Variants in ZCCHC7 observed in about 807,000 individuals in gnomAD.
ZCCHC7 encodes the protein zinc finger CCHC-type containing 7.
ZCCHC7 carries 35 observed loss-of-function variants against 52.0 expected under a neutral mutation model. The ratio of observed to expected loss-of-function variants is 0.67; its 90% CI spans 0.51 to 0.89. ZCCHC7 has a LOEUF of 0.89. Ranked by LOEUF, ZCCHC7 falls within the 40% of genes least tolerant of loss-of-function variation. ZCCHC7 has a pLI of 0.00. For missense variants in ZCCHC7, 574 were observed against 649.1 expected (o/e 0.88, Z 1.26); for synonymous variants, 217 against 221.5 (o/e 0.98, Z 0.18).
intron 2 of ZCCHC7, among the ~76,000 whole-genome samples, chr9:37,264,599 A>T (rs1827015796): frequency 6.6e-6 from 1 of 152,156 alleles, no homozygotes; most frequent in African/African-American, 2.4e-5. Context: ...TCCTAACTTA[A>T]CTTCAGATTG....
intron 2 of ZCCHC7, among the ~76,000 whole-genome samples, chr9:37,148,386 A>G (rs1176045505): frequency 1.3e-5 from 2 of 152,092 alleles, no homozygotes; most frequent in African/African-American, 4.8e-5. Flanking sequence ...CATGAGGGGT[A>G]GAGGTGTGTG....
chr9:37,309,528 A>G (rs937870271), intron 5 of ZCCHC7, among the ~76,000 whole-genome samples: 1 of 152,208 alleles, frequency 6.6e-6, no homozygotes, highest in Non-Finnish European at 1.5e-5. Context: ...CCCTCTAGCA[A>G]TACTATCCTC....
chr9:37,231,986 G>A (rs1469711283), intron 2 of ZCCHC7, among the ~76,000 whole-genome samples: 2 of 152,038 alleles, frequency 1.3e-5, no homozygotes, highest in East Asian at 1.9e-4. Flanking sequence ...TTTGTTGCTG[G>A]TTGTCACATT....
At chr9:37,146,531 G>A (rs944671883) in intron 2 of ZCCHC7, among the ~76,000 whole-genome samples, 1 of 151,822 alleles carries the variant, frequency 6.6e-6, no homozygotes, top group Admixed American at 6.6e-5. Flanking sequence ...TCCCACCCTC[G>A]TTTTAAAAAC....
intron 5 of ZCCHC7, among the ~76,000 whole-genome samples, chr9:37,324,739 G>A (rs1368804566): frequency 2.0e-5 from 3 of 152,160 alleles, no homozygotes; most frequent in African/African-American, 7.2e-5. Flanking sequence ...TCCCAGCAGG[G>A]CTGCGTTCAA....
At chr9:37,174,289 C>G (rs1564158069) in intron 2 of ZCCHC7, among the ~76,000 whole-genome samples, 1 of 152,034 alleles carries the variant, frequency 6.6e-6, no homozygotes, top group East Asian at 1.9e-4. Context: ...AGCCTCTAGT[C>G]TGGGTGACAG....
chr9:37,201,589 G>T (rs1191303133), intron 2 of ZCCHC7, among the ~76,000 whole-genome samples: 1 of 152,188 alleles, frequency 6.6e-6, no homozygotes, highest in Non-Finnish European at 1.5e-5. Flanking sequence ...AAATCTGAAT[G>T]GGAAGCAAAA....
intron 2 of ZCCHC7, among the ~76,000 whole-genome samples, chr9:37,230,850 A>C (rs563577993): frequency 9.9e-5 from 15 of 152,248 alleles, no homozygotes; most frequent in African/African-American, 3.6e-4. Context: ...ATGTGGTGGA[A>C]TAAGTTCTCT....
chr9:37,234,559 A>G (rs1009283808), intron 2 of ZCCHC7, among the ~76,000 whole-genome samples: 1 of 152,206 alleles, frequency 6.6e-6, no homozygotes. Flanking sequence ...AGGGTGGTTA[A>G]CCATCCCTTA....
chr9:37,203,462 C>G (rs1443726365), intron 2 of ZCCHC7, among the ~76,000 whole-genome samples: 1 of 152,184 alleles, frequency 6.6e-6, no homozygotes, highest in Non-Finnish European at 1.5e-5. Context: ...GATGCTCTCT[C>G]TCCCCTTGCC....
intron 2 of ZCCHC7, among the ~76,000 whole-genome samples, chr9:37,134,955 G>A (rs922477274): frequency 2.0e-5 from 3 of 152,014 alleles, no homozygotes; most frequent in African/African-American, 7.2e-5. Context: ...TCAAACTCCC[G>A]ACCTCAGGTG....
intron 2 of ZCCHC7, among the ~76,000 whole-genome samples, chr9:37,281,653 G>A (rs1438441130): frequency 1.3e-5 from 2 of 152,194 alleles, no homozygotes; most frequent in East Asian, 3.8e-4. Flanking sequence ...CACTTACACT[G>A]TTTGGTATGG....
intron 2 of ZCCHC7, among the ~76,000 whole-genome samples, chr9:37,204,646 A>G (rs1433179388): frequency 1.3e-5 from 2 of 152,138 alleles, no homozygotes; most frequent in African/African-American, 4.8e-5. Context: ...TGAGGTCACT[A>G]TTCTGTTCCA....
intron 2 of ZCCHC7, among the ~76,000 whole-genome samples, chr9:37,289,266 C>T (rs1300242830): frequency 6.6e-6 from 1 of 151,856 alleles, no homozygotes; most frequent in Non-Finnish European, 1.5e-5. Flanking sequence ...TCTCCTGCAT[C>T]AGCCTCCCAA....
At chr9:37,258,667 G>A (rs139073219) in intron 2 of ZCCHC7, among the ~76,000 whole-genome samples, 67 of 148,972 alleles carry the variant, frequency 4.5e-4, no homozygotes, top group Non-Finnish European at 8.9e-4. Flanking sequence ...TGGGAGGATC[G>A]CTTGAGCCTG....
intron 2 of ZCCHC7, among the ~76,000 whole-genome samples, chr9:37,171,289 G>A (rs1221010472): frequency 6.6e-6 from 1 of 152,150 alleles, no homozygotes; most frequent in African/African-American, 2.4e-5. Context: ...AGAGAACCAA[G>A]GTGGCAGAAT....
At chr9:37,246,119 G>T (rs1168046169) in intron 2 of ZCCHC7, among the ~76,000 whole-genome samples, 1 of 152,130 alleles carries the variant, frequency 6.6e-6, no homozygotes, top group Admixed American at 6.6e-5. Flanking sequence ...AACTTAAAGA[G>T]ACTGATTCCT....
At chr9:37,200,399 T>G (rs1310312232) in intron 2 of ZCCHC7, among the ~76,000 whole-genome samples, 3 of 152,238 alleles carry the variant, frequency 2.0e-5, no homozygotes, top group Non-Finnish European at 4.4e-5. Flanking sequence ...CCTTCATTTA[T>G]GACTTTTCAT....
At chr9:37,191,695 GT>G (rs1823028818) in intron 2 of ZCCHC7, among the ~76,000 whole-genome samples, 6 of 152,176 alleles carry the variant, frequency 3.9e-5, no homozygotes, top group African/African-American at 1.4e-4. Context: ...GGTTCAGGCT[GT>G]TTAACCCTCT....
Sources: gnomAD v4.1 joint callset for allele counts (sites outside exome capture counted in the v4.1 genomes callset) on GRCh38, gnomAD v4.1.1 for gene constraint, MANE v1.5 for transcripts, NCBI Gene and HGNC (gene_info 2026-07-23, HGNC 2026-07-21) for gene names.